The following PCNT variants were observed in gnomAD, a reference collection of about 807,000 sequenced individuals.
PCNT encodes kendrin.
Under a neutral mutation model 380.4 loss-of-function variants are expected in PCNT, and 319 were observed. The ratio of observed to expected loss-of-function variants is 0.84; its 90% confidence interval spans 0.77 to 0.92. The LOEUF (loss-of-function observed/expected upper bound fraction) is 0.92, where lower values mean the gene tolerates loss of function less well. Among genes scored for constraint, PCNT ranks in the 40% least tolerant of loss-of-function variants. The probability of loss-of-function intolerance (pLI) is 0.00; values close to 1 mark genes in which losing one functional copy is unlikely to be tolerated. For missense variants in PCNT, 4,400 were observed against 4,255.3 expected (o/e 1.03, Z -0.95); for synonymous variants, 1,845 against 1,735.2 (o/e 1.06, Z -1.57).
rs1441063624 is a variant in PCNT at position 46,388,161 on chromosome 21, G to A, written c.3465-581G>A. 1.3e-5 allele frequency among the ~76,000 whole-genome samples: 2 copies of A among 151,748 alleles called. No homozygotes were observed. The highest frequency in any genetic ancestry group is 4.8e-5 in the African/African-American group (2 of 41,402). ...GGAGGTGGAGCTTGCAGTGAGCCAA[G>A]ATCGTGCCACTGCACTCCAGCCTGG... On this transcript the variant is annotated intron_variant, in intron 17 of 46. Coordinates refer to ENST00000359568, the MANE Select transcript of PCNT (RefSeq NM_006031.6). The surrounding 1 kb of genome is among the most constrained non-coding windows in gnomAD (Gnocchi z 4.2).
intron 27 of PCNT, among the ~76,000 whole-genome samples, chr21:46,402,775 CTG>C (rs1261095303): frequency 6.6e-6 from 1 of 152,170 alleles, no homozygotes; most frequent in African/African-American, 2.4e-5. Context: ...CACCCCAGGG[CTG>C]TGAGAGGCGT....
At chr21:46,444,864 C>T (rs376557620) in intron 46 of PCNT, 43 bp downstream of exon 46, 2 of 1,595,102 alleles carry the variant, frequency 1.3e-6, no homozygotes, top group African/African-American at 2.7e-5. Context: ...CTGATTATCA[C>T]TGTACCCTGG....
At chr21:46,343,761 G>C (rs925179770) in intron 3 of PCNT, among the ~76,000 whole-genome samples, 1 of 152,140 alleles carries the variant, frequency 6.6e-6, no homozygotes, top group African/African-American at 2.4e-5. Context: ...GACAATTTTT[G>C]TTGGCAATTT....
intron 27 of PCNT, among the ~76,000 whole-genome samples, chr21:46,409,409 G>T (rs555005399): frequency 1.3e-5 from 2 of 151,818 alleles, no homozygotes; most frequent in African/African-American, 4.8e-5. Flanking sequence ...GGCTGGTCTC[G>T]AACGCCTAAC....
chr21:46,342,860 C>T (rs1316420205), intron 3 of PCNT, among the ~76,000 whole-genome samples: 1 of 152,118 alleles, frequency 6.6e-6, no homozygotes, highest in Non-Finnish European at 1.5e-5. Context: ...TTTGTGGTTT[C>T]CCTTGTAGAG....
chr21:46,338,850 A>G (rs1461954855), intron 3 of PCNT, among the ~76,000 whole-genome samples: 2 of 151,234 alleles, frequency 1.3e-5, no homozygotes, highest in African/African-American at 2.4e-5. Context: ...GCCCATTCTC[A>G]GCTCACTGCA....
intron 2 of PCNT, among the ~76,000 whole-genome samples, chr21:46,328,087 G>T (rs2083445880): frequency 6.6e-6 from 1 of 152,194 alleles, no homozygotes; most frequent in Non-Finnish European, 1.5e-5. Context: ...GGATTTGCTG[G>T]AAAACTGGTG....
chr21:46,367,676 C>T (rs953749719), intron 15 of PCNT, among the ~76,000 whole-genome samples: 4 of 152,086 alleles, frequency 2.6e-5, no homozygotes, highest in African/African-American at 9.7e-5. Flanking sequence ...AGGCTTTGCT[C>T]TCGTACGTAT....
chr21:46,376,701 C>T (rs956083590), intron 15 of PCNT, among the ~76,000 whole-genome samples: 16 of 152,194 alleles, frequency 1.1e-4, no homozygotes, highest in Admixed American at 4.6e-4. Context: ...ACTCCTGGCC[C>T]GCTGCCCCCT....
intron 16 of PCNT, 92 bp from the exon 17 acceptor site, chr21:46,385,740 C>T: frequency 7.1e-7 from 1 of 1,401,366 alleles, no homozygotes. Context: ...GTCAGAGACT[C>T]TCAAATACTG....
chr21:46,334,269 A>G, intron 2 of PCNT, 128 bp from the exon 3 acceptor site: 2 of 1,266,816 alleles, frequency 1.6e-6, no homozygotes, highest in Admixed American at 3.5e-5. Context: ...CGTTCTGAAC[A>G]GGTGGAAGTG....
intron 15 of PCNT, among the ~76,000 whole-genome samples, chr21:46,380,496 C>T (rs2085491371): frequency 6.6e-6 from 1 of 151,836 alleles, no homozygotes; most frequent in African/African-American, 2.4e-5. Flanking sequence ...AGAGCTCTGA[C>T]CCAGTCACGG....
chr21:46,351,705 T>G (rs1232769815), intron 9 of PCNT, among the ~76,000 whole-genome samples, 165 bp downstream of exon 9: 1 of 152,210 alleles, frequency 6.6e-6, no homozygotes, highest in East Asian at 1.9e-4. Context: ...AGTGGAGGTT[T>G]GCTTTGTGGG....
At chr21:46,326,287 C>G in intron 1 of PCNT, 90 bp from the exon 2 acceptor site, 1 of 1,285,634 alleles carries the variant, frequency 7.8e-7, no homozygotes. Context: ...CCTCGGGCCT[C>G]ATGGTCCCCA....
At chr21:46,443,573 C>G (rs2053668811) in intron 44 of PCNT, among the ~76,000 whole-genome samples, 1 of 152,136 alleles carries the variant, frequency 6.6e-6, no homozygotes, top group African/African-American at 2.4e-5. Flanking sequence ...GTCTTGAGAC[C>G]CCCCTGCCCC....
intron 41 of PCNT, among the ~76,000 whole-genome samples, chr21:46,439,336 C>G (rs1267412807): frequency 6.6e-6 from 1 of 152,086 alleles, no homozygotes; most frequent in Non-Finnish European, 1.5e-5. Flanking sequence ...GCTTTTTTCA[C>G]TTTTTGGGTT....
rs1219108702 is a variant in PCNT at position 46,418,184 on chromosome 21, A to G, written c.6922-20A>G. 5.5e-6 allele frequency: 8 copies of G among 1,444,354 alleles called. No homozygotes were observed. Among genetic ancestry groups the G allele is most frequent in the Non-Finnish European group, 7.7e-6 (8 of 1,033,336 alleles). The allele number at this position is 1,444,354 out of a possible 1,614,324, so 89.5% of individuals were successfully genotyped here. A position where few individuals can be genotyped will look rare whatever the true frequency, so the allele number is the denominator to read the frequency against. ...TGTAATTACTCATTATTTTATGACCATTTAAAAATCTCTTAACAGGAGAAA... is the reference window on the plus strand; with the variant it reads ...TGTAATTACTCATTATTTTATGACCGTTTAAAAATCTCTTAACAGGAGAAA... On this transcript the variant is annotated intron_variant, in intron 30 of 46. Coordinates refer to ENST00000359568, the MANE Select transcript of PCNT (RefSeq NM_006031.6).
chr21:46,344,264 G>C (rs970398319), intron 3 of PCNT, among the ~76,000 whole-genome samples: 8 of 151,914 alleles, frequency 5.3e-5, no homozygotes, highest in Non-Finnish European at 1.0e-4. Context: ...TTGGTAGAGA[G>C]AGGGTTTCAC....
At position 46,428,454 on chromosome 21, in the gene PCNT, G is replaced by C. The variant is rs767548910; in HGVS notation, c.7554G>C (p.Leu2518=). Residue 2518 remains leucine, a synonymous_variant, in exon 35 of 47, where the codon CTG becomes CTC. Coordinates refer to ENST00000359568, the MANE Select transcript of PCNT (RefSeq NM_006031.6). ...HLRLPDRSSL[L]SEIQALRAQL... is the part of the protein sequence containing the mutation. ...GCTTGCCGGACCGGAGCAGCCTGCT[G>C]TCCGAGATCCAGGCGCTGCGTGCCC... The C allele has an allele frequency of 1.2e-6, 2 of 1,612,520 alleles. No individual in the cohort carries two copies. The highest frequency in any genetic ancestry group is 1.7e-6 in the Non-Finnish European group (2 of 1,179,878).
Sources: allele counts gnomAD v4.1 joint callset (sites outside exome capture counted in the v4.1 genomes callset), GRCh38; gene constraint gnomAD v4.1.1; non-coding constraint Gnocchi (gnomAD v3.1); transcripts MANE v1.5; gene names NCBI Gene and HGNC (gene_info 2026-07-23, HGNC 2026-07-21).